Variants in PCDH11Y observed in about 807,000 individuals in gnomAD.
The protein encoded by PCDH11Y is protocadherin-11 Y-linked.
For missense variants in PCDH11Y, 12 were observed against 224.8 expected (o/e 0.05, Z 6.05); for synonymous variants, 9 against 83.6 (o/e 0.11, Z 4.87).
intron 1 of PCDH11Y, among the ~76,000 whole-genome samples, chrY:5,001,515 A>G: frequency 2.9e-5 from 1 of 34,429 alleles, no homozygotes; most frequent in Non-Finnish European, 7.3e-5. Flanking sequence ...CAGAACCCAG[A>G]AACAGTTCAC....
intron 2 of PCDH11Y, among the ~76,000 whole-genome samples, chrY:5,328,348 T>C: frequency 3.0e-5 from 1 of 33,687 alleles, no homozygotes; most frequent in Non-Finnish European, 7.4e-5. Context: ...TGTCTCACAG[T>C]GGTGGCAATG....
At chrY:5,299,898 C>T in intron 2 of PCDH11Y, among the ~76,000 whole-genome samples, 2 of 31,699 alleles carry the variant, frequency 6.3e-5, no homozygotes, top group Non-Finnish European at 7.6e-5. Flanking sequence ...ATGTTGATTT[C>T]AAGGTTCCAC....
At chrY:5,502,030 T>C (rs2124688198) in intron 3 of PCDH11Y, among the ~76,000 whole-genome samples, 12 of 32,107 alleles carry the variant, frequency 3.7e-4, no homozygotes, top group African/African-American at 1.4e-3. Flanking sequence ...CATAAAAGTA[T>C]GTAGATACAA....
At chrY:5,699,612 G>C in intron 4 of PCDH11Y, among the ~76,000 whole-genome samples, 2 of 33,479 alleles carry the variant, frequency 6.0e-5, no homozygotes, top group Admixed American at 2.7e-4. Flanking sequence ...ACTGTGCGGT[G>C]CTGTGGGGAA....
At chrY:5,533,122 C>T (rs2053397060) in intron 3 of PCDH11Y, among the ~76,000 whole-genome samples, 1 of 33,453 alleles carries the variant, frequency 3.0e-5, no homozygotes, top group Non-Finnish European at 7.4e-5. Context: ...TGAGCCACCA[C>T]GCCCAGCCTC....
chrY:5,145,610 A>G (rs1602876066), intron 2 of PCDH11Y, among the ~76,000 whole-genome samples: 90 of 33,242 alleles, frequency 2.7e-3, no homozygotes, highest in Non-Finnish European at 4.7e-3. Context: ...TGTTATTGCT[A>G]ATGTTGGCAA....
At chrY:5,476,373 T>C in intron 2 of PCDH11Y, among the ~76,000 whole-genome samples, 1 of 18,220 alleles carries the variant, frequency 5.5e-5, no homozygotes, top group Admixed American at 8.7e-4. Context: ...GACTGCAAGA[T>C]TGCACCTGTG....
chrY:5,065,329 C>T (rs2052684564), intron 1 of PCDH11Y, among the ~76,000 whole-genome samples: 1 of 32,734 alleles, frequency 3.1e-5, no homozygotes, highest in African/African-American at 1.2e-4. Flanking sequence ...TCTTAATTCT[C>T]AAACTTGTTA....
rs1602948390 is a variant in PCDH11Y at position 5,597,711 on chromosome Y, A to G, written c.3352+15913A>G. On this transcript the variant is annotated intron_variant, in intron 4 of 4. Transcript: ENST00000400457. Reference sequence around the variant, plus strand: ...AATTGGAGACCATTATTCTAAGTGAAGTAACTCAGCAATTGAAAATCAAAC... The same window carrying G: ...AATTGGAGACCATTATTCTAAGTGAGGTAACTCAGCAATTGAAAATCAAAC... 1.9e-4 allele frequency among the ~76,000 whole-genome samples: 6 copies of G among 32,079 alleles called. No individual in the cohort carries two copies. The East Asian group carries it at 4.9e-3, about 26-fold the overall frequency. 86.1% of individuals were successfully genotyped at this position (32,079 alleles called of 37,273 possible).
rs371826883 is a variant in PCDH11Y at position 5,659,662 on chromosome Y, G to A, written c.3353-77610G>A. ...GTGAATGTTGCCAGAACTATGACAC[G>A]CCTTTCAAGGTAGTGAGCTCCTCTC... On this transcript the variant is annotated intron_variant, in intron 4 of 4. Coordinates refer to the PCDH11Y transcript ENST00000400457. Among the ~76,000 whole-genome samples the A allele has an allele frequency of 4.3e-3, 124 of 28,531 alleles. No individual in the cohort carries two copies. The East Asian group carries it at 0.066, about 15-fold the overall frequency. 76.5% of individuals were successfully genotyped at this position (28,531 alleles called of 37,273 possible). A position where few individuals can be genotyped will look rare whatever the true frequency, so the allele number is the denominator to read the frequency against.
At chrY:5,708,916 G>C in intron 4 of PCDH11Y, among the ~76,000 whole-genome samples, 1 of 32,559 alleles carries the variant, frequency 3.1e-5, no homozygotes, top group East Asian at 8.0e-4. Context: ...AAAGCTAATG[G>C]GAGGCCATCA....
At chrY:5,529,343 G>A (rs1602938593) in intron 3 of PCDH11Y, among the ~76,000 whole-genome samples, 1 of 32,264 alleles carries the variant, frequency 3.1e-5, no homozygotes, top group Non-Finnish European at 7.6e-5. Flanking sequence ...GGGTAGTGGC[G>A]TGATTGAGGA....
At chrY:5,452,052 C>T in intron 2 of PCDH11Y, among the ~76,000 whole-genome samples, 1 of 33,373 alleles carries the variant, frequency 3.0e-5, no homozygotes, top group Non-Finnish European at 7.4e-5. Flanking sequence ...TTAAACTCTA[C>T]ATTATATTGT....
chrY:5,208,515 C>T (rs2052934766), intron 2 of PCDH11Y, among the ~76,000 whole-genome samples: 2 of 33,112 alleles, frequency 6.0e-5, no homozygotes, highest in Non-Finnish European at 1.5e-4. Context: ...AAGTTACATT[C>T]GAAGTCTTTA....
At chrY:5,639,810 C>A (rs2053521651) in intron 4 of PCDH11Y, among the ~76,000 whole-genome samples, 1 of 29,192 alleles carries the variant, frequency 3.4e-5, no homozygotes, top group African/African-American at 1.4e-4. Flanking sequence ...GCCACCACAC[C>A]TGGCCTGGCA....
intron 2 of PCDH11Y, among the ~76,000 whole-genome samples, chrY:5,268,302 C>T (rs2053030329): frequency 6.2e-5 from 2 of 32,293 alleles, no homozygotes; most frequent in African/African-American, 2.4e-4. Flanking sequence ...CGCCAGTGTA[C>T]GATCATATAC....
chrY:5,612,141 C>G (rs2053488125), intron 4 of PCDH11Y, among the ~76,000 whole-genome samples: 36 of 30,544 alleles, frequency 1.2e-3, no homozygotes, highest in African/African-American at 4.6e-3. Flanking sequence ...TTCTGCGTCG[C>G]TCACGCTGGG....
intron 2 of PCDH11Y, among the ~76,000 whole-genome samples, chrY:5,363,655 T>C: frequency 3.3e-5 from 1 of 30,445 alleles, no homozygotes; most frequent in African/African-American, 1.3e-4. Context: ...AAATTGCATT[T>C]ACATATAGAT....
At chrY:5,394,286 G>A in intron 2 of PCDH11Y, among the ~76,000 whole-genome samples, 1 of 34,705 alleles carries the variant, frequency 2.9e-5, no homozygotes, top group Non-Finnish European at 7.2e-5. Flanking sequence ...CCACCATTTT[G>A]TGGAAAGAAA....
Sources: allele counts gnomAD v4.1 joint callset (sites outside exome capture counted in the v4.1 genomes callset), GRCh38; gene constraint gnomAD v4.1.1; transcripts MANE v1.5; gene names NCBI Gene and HGNC (gene_info 2026-07-23, HGNC 2026-07-21).